The following MCTP1 variants were observed in gnomAD, a reference collection of about 807,000 sequenced individuals.
MCTP1 encodes multiple C2 and transmembrane domain-containing protein 1.
MCTP1 carries 69 observed loss-of-function variants against 120.6 expected under a neutral mutation model. The ratio of observed to expected loss-of-function variants is 0.57; its 90% CI spans 0.47 to 0.70. The LOEUF (loss-of-function observed/expected upper bound fraction) is 0.70, where lower values mean the gene tolerates loss of function less well. Ranked by LOEUF, MCTP1 falls within the 30% of genes least tolerant of loss-of-function variation. MCTP1 has a pLI of 0.00. For missense variants in MCTP1, 1,203 were observed against 1,248.8 expected, an observed-to-expected ratio of 0.96 and a Z score of 0.55; for synonymous variants, 529 against 493.1, an observed-to-expected ratio of 1.07 and a Z score of -0.96.
At chr5:95,120,256 AAAG>A (rs1240094172) in intron 1 of MCTP1, among the ~76,000 whole-genome samples, 1 of 152,018 alleles carries the variant, frequency 6.6e-6, no homozygotes, top group African/African-American at 2.4e-5. Flanking sequence ...TCAAACATTT[AAAG>A]AAGAACTAAT....
At chr5:94,852,880 G>A (rs1237492204) in intron 17 of MCTP1, among the ~76,000 whole-genome samples, 1 of 151,796 alleles carries the variant, frequency 6.6e-6, no homozygotes, top group East Asian at 1.9e-4. Flanking sequence ...AAAATGCCAG[G>A]CAATAAACCA....
chr5:94,845,823 A>G (rs529734904), intron 17 of MCTP1, among the ~76,000 whole-genome samples: 1 of 152,188 alleles, frequency 6.6e-6, no homozygotes. Flanking sequence ...AAGTGCTGGC[A>G]TTTCAGGGGT....
At chr5:95,063,081 G>T (rs542966763) in intron 1 of MCTP1, among the ~76,000 whole-genome samples, 2 of 152,334 alleles carry the variant, frequency 1.3e-5, no homozygotes, top group East Asian at 3.9e-4. Flanking sequence ...GCCTCCCAAA[G>T]TGCTGGGGAT....
intron 1 of MCTP1, among the ~76,000 whole-genome samples, chr5:95,151,338 G>A (rs115499404): frequency 0.035 from 5,361 of 151,988 alleles, 322 homozygotes; most frequent in African/African-American, 0.12. Context: ...TATTCATTAA[G>A]TAGAAGTGGA....
chr5:94,837,710 A>T (rs1410386202), intron 17 of MCTP1, among the ~76,000 whole-genome samples: 1 of 152,196 alleles, frequency 6.6e-6, no homozygotes, highest in Non-Finnish European at 1.5e-5. Flanking sequence ...AAATGCAAAT[A>T]TCTAAAATCT....
rs200393152 is a variant in MCTP1, at chr5:94,894,675, C to T, written c.1813G>A (p.Glu605Lys). The T allele has an allele frequency of 6.2e-7, 1 of 1,610,440 alleles. No homozygotes were observed. Among genetic ancestry groups the T allele is most frequent in the African/African-American group, 1.3e-5 (1 of 74,990 alleles). The part of the protein sequence containing the change: ...LSVNSLEDQK[E>K]REEILKRYSP... ...TATCTCTTTAATATCTCCTCTCGTT[C>T]CTTCTGGTCCTCCAGGGAGTTGACA... The change falls in exon 11 of 23, where the codon GAA becomes AAA. Residue 605 changes from glutamate (E) to lysine (K), a missense_variant. Around this residue, in one of 2 missense-constraint regions of MCTP1, gnomAD observed 740 missense variants for 871.1 expected, o/e 0.85. Coordinates refer to ENST00000515393, the MANE Select transcript of MCTP1 (RefSeq NM_024717.7).
intron 19 of MCTP1, among the ~76,000 whole-genome samples, chr5:94,777,267 AC>A (rs1775574575): frequency 6.6e-6 from 1 of 152,154 alleles, no homozygotes; most frequent in Non-Finnish European, 1.5e-5. Flanking sequence ...ATTTCAGACT[AC>A]CAAACACTAG....
chr5:95,235,528 CTT>C lies in MCTP1; in HGVS notation c.720+48326_720+48327del, dbSNP rs548107226. Among the ~76,000 whole-genome samples the C allele has an allele frequency of 3.0e-3, 457 of 151,740 alleles. 1 individual carries two copies. The highest frequency in any genetic ancestry group is 4.4e-3 in the Non-Finnish European group (296 of 67,872). On this transcript the variant is annotated intron_variant, in intron 1 of 22. Coordinates refer to ENST00000515393, the MANE Select transcript of MCTP1 (RefSeq NM_024717.7). ...AGGAAGAAGTAGAAACACTTTCTTT[CTT>C]TCTTTCCTTACTATGCTGGCTTAAA...
intron 1 of MCTP1, among the ~76,000 whole-genome samples, chr5:95,258,594 T>C (rs1004767533): frequency 2.0e-5 from 3 of 152,212 alleles, no homozygotes; most frequent in Admixed American, 6.5e-5. Flanking sequence ...TGTTGGTTCG[T>C]TAATTGTAAC....
At chr5:95,050,358 A>T (rs1044415860) in intron 1 of MCTP1, among the ~76,000 whole-genome samples, 1 of 152,190 alleles carries the variant, frequency 6.6e-6, no homozygotes, top group Admixed American at 6.5e-5. Context: ...TGTTTATTTG[A>T]AATTATAACT....
chr5:94,947,130 A>G (rs1353803691), intron 3 of MCTP1, among the ~76,000 whole-genome samples: 4 of 152,090 alleles, frequency 2.6e-5, no homozygotes, highest in Non-Finnish European at 5.9e-5. Context: ...TCTGTCTACA[A>G]ACTGAAAATA....
intron 19 of MCTP1, among the ~76,000 whole-genome samples, chr5:94,775,291 C>A (rs1216948141): frequency 6.6e-6 from 1 of 152,194 alleles, no homozygotes; most frequent in Non-Finnish European, 1.5e-5. Flanking sequence ...GATATCGCAG[C>A]TGGATCTTAT....
chr5:94,934,065 A>G (rs1182067570), intron 5 of MCTP1, among the ~76,000 whole-genome samples: 1 of 151,854 alleles, frequency 6.6e-6, no homozygotes, highest in Non-Finnish European at 1.5e-5. Flanking sequence ...ATTTTATAAC[A>G]TTTCTGCCTC....
intron 2 of MCTP1, among the ~76,000 whole-genome samples, chr5:94,990,851 A>G (rs1042534226): frequency 4.0e-5 from 6 of 151,834 alleles, no homozygotes; most frequent in Non-Finnish European, 7.4e-5. Context: ...GGTTCAAGGC[A>G]CAGATAAATC....
intron 1 of MCTP1, among the ~76,000 whole-genome samples, chr5:95,120,596 T>C (rs151112781): frequency 5.0e-4 from 76 of 152,334 alleles, no homozygotes; most frequent in Admixed American, 1.3e-3. Context: ...GATAATCATT[T>C]CAATTGATGT....
At chr5:95,270,205 G>C (rs1392962875) in intron 1 of MCTP1, among the ~76,000 whole-genome samples, 1 of 152,076 alleles carries the variant, frequency 6.6e-6, no homozygotes, top group African/African-American at 2.4e-5. Context: ...TTCCTAAACT[G>C]GGTTCCTCAG....
intron 2 of MCTP1, among the ~76,000 whole-genome samples, chr5:94,953,965 AAT>A (rs1214115318): frequency 4.5e-5 from 4 of 89,332 alleles, no homozygotes; most frequent in African/African-American, 4.7e-5. Context: ...TATATATACA[AAT>A]ATATATATGC....
intron 17 of MCTP1, chr5:94,826,501 CT>C: frequency 1.4e-6 from 1 of 702,610 alleles, no homozygotes; most frequent in Non-Finnish European, 2.6e-6. Context: ...AATTTCAGTT[CT>C]GTACATCTGC....
chr5:95,127,441 TG>T (rs1758720352), intron 1 of MCTP1, among the ~76,000 whole-genome samples: 1 of 152,132 alleles, frequency 6.6e-6, no homozygotes, highest in South Asian at 2.1e-4. Context: ...GTCCTTCTGC[TG>T]TTGGACCATG....
Sources: allele counts gnomAD v4.1 joint callset (sites outside exome capture counted in the v4.1 genomes callset), GRCh38; gene constraint gnomAD v4.1.1; regional missense constraint gnomAD v4.1.1; transcripts MANE v1.5; gene names NCBI Gene and HGNC (gene_info 2026-07-23, HGNC 2026-07-21).